MRFAP1: variants seen among roughly 807,000 people sequenced by gnomAD.
The protein encoded by MRFAP1 is MORF4 family-associated protein 1.
In MRFAP1, 1 loss-of-function variant was observed where a neutral mutation model predicts 9.3. That is an observed-to-expected ratio of 0.11 (90% CI 0.04 to 0.51). The LOEUF is 0.51. Among genes scored for constraint, MRFAP1 ranks in the 20% least tolerant of loss-of-function variants. The pLI is 0.94. For synonymous variants in MRFAP1, 101 were observed against 80.3 expected (o/e 1.26, Z -1.38); for missense variants, 180 against 178.6 (o/e 1.01, Z -0.04).
Position 6,640,771 on chromosome 4 carries a change from A to C in MRFAP1, c.-92A>C. 3 of 1,452,416 alleles carry C rather than the reference A, an allele frequency of 2.1e-6. No individual in the cohort carries two copies. Among genetic ancestry groups the C allele is most frequent in the Non-Finnish European group, 2.8e-6 (3 of 1,076,096 alleles). The allele number at this position is 1,452,416 out of a possible 1,614,324, so 90.0% of individuals were successfully genotyped here. On this transcript the variant is annotated 5_prime_UTR_variant, in exon 1 of 2. Coordinates refer to ENST00000382581, the MANE Select transcript of MRFAP1 (RefSeq NM_033296.3). ...TTGAAAAAGGGTAAAAGTTTTCAGG[A>C]ATATTCGGGCTCTCTATTGCTAAGC...
chr4:6,641,223 A>G lies in MRFAP1; in HGVS notation c.361A>G (p.Ile121Val), dbSNP rs766734285. 2 of 1,593,062 alleles carry G rather than the reference A, an allele frequency of 1.3e-6. No homozygotes were observed. The highest frequency in any genetic ancestry group is 4.5e-5 in the East Asian group (2 of 44,386). The change falls in exon 1 of 2, where the codon ATA becomes GTA. Residue 121 changes from isoleucine (I) to valine (V), a missense_variant. Physicochemically the swap from Ile to Val is conservative, Grantham distance 29 (BLOSUM62 3). Coordinates refer to ENST00000382581, the MANE Select transcript of MRFAP1 (RefSeq NM_033296.3). ...AEMLVELVRR[I>V]EKSESS ...GATGCTGGTGGAGCTGGTCCGGCGGATAGAGAAGAGCGAGTCGTCGTGAGC... is the reference window on the plus strand; with the variant it reads ...GATGCTGGTGGAGCTGGTCCGGCGGGTAGAGAAGAGCGAGTCGTCGTGAGC...
chr4:6,641,234 C>T lies in MRFAP1; in HGVS notation c.372C>T (p.Ser124=). 1 of 1,576,156 alleles carries T rather than the reference C, an allele frequency of 6.3e-7. No individual in the cohort carries two copies. Among genetic ancestry groups the T allele is most frequent in the African/African-American group, 1.4e-5 (1 of 73,940 alleles). Residue 124 remains serine (S), a synonymous_variant, in exon 1 of 2, where the codon AGC becomes AGT. Coordinates refer to ENST00000382581, the MANE Select transcript of MRFAP1 (RefSeq NM_033296.3). ...AGCTGGTCCGGCGGATAGAGAAGAGCGAGTCGTCGTGAGCGCGGTCGGCGG... is the reference window on the plus strand; with the variant it reads ...AGCTGGTCCGGCGGATAGAGAAGAGTGAGTCGTCGTGAGCGCGGTCGGCGG... ...LVELVRRIEK[S]ESS
rs1712783778 is a variant in MRFAP1, at chr4:6,640,790, G to A, written c.-73G>A. The A allele has an allele frequency of 1.3e-6, 2 of 1,522,738 alleles. No individual in the cohort carries two copies. Among genetic ancestry groups the A allele is most frequent in the Non-Finnish European group, 1.8e-6 (2 of 1,125,582 alleles). 94.3% of individuals were successfully genotyped at this position (1,522,738 alleles called of 1,614,324 possible). A position where few individuals can be genotyped will look rare whatever the true frequency, so the allele number is the denominator to read the frequency against. ...TTCAGGAATATTCGGGCTCTCTATT[G>A]CTAAGCATAGCGAGTGTCGGTTTTC... is the stretch of plus-strand genomic sequence containing the variant. On this transcript the variant is annotated 5_prime_UTR_variant, in exon 1 of 2. Coordinates refer to ENST00000382581, the MANE Select transcript of MRFAP1 (RefSeq NM_033296.3).
Position 6,640,818 on chromosome 4 carries a change from T to G in MRFAP1, c.-45T>G, listed in dbSNP as rs755892277. ...AAGCATAGCGAGTGTCGGTTTTCTCTCTCCAACAGACATCGCTATTGCGGT... is the reference window on the plus strand; with the variant it reads ...AAGCATAGCGAGTGTCGGTTTTCTCGCTCCAACAGACATCGCTATTGCGGT... On this transcript the variant is annotated 5_prime_UTR_variant, in exon 1 of 2. Transcript: ENST00000382581. 6.4e-6 allele frequency: 10 copies of G among 1,560,946 alleles called. No individual in the cohort carries two copies. The highest frequency in any genetic ancestry group is 8.7e-6 in the Non-Finnish European group (10 of 1,148,976).
Position 6,641,075 on chromosome 4 carries a change from G to A in MRFAP1, c.213G>A (p.Val71=). The change falls in exon 1 of 2, where the codon GTG becomes GTA. Residue 71 remains valine (V), a synonymous_variant. Coordinates refer to ENST00000382581, the MANE Select transcript of MRFAP1 (RefSeq NM_033296.3). ...TGCTCATCCAGATCAAAACGCAGGT[G>A]GAGGCCTCGGAGGAGAGCGCCCTCA... ...DNMLIQIKTQ[V]EASEESALNH... is the part of the protein sequence containing the mutation. The A allele has an allele frequency of 6.2e-7, 1 of 1,614,156 alleles. No homozygotes were observed. Among genetic ancestry groups the A allele is most frequent in the Non-Finnish European group, 8.5e-7 (1 of 1,179,952 alleles).
intron 1 of MRFAP1, chr4:6,641,511 A>G: frequency 2.2e-6 from 1 of 452,980 alleles, no homozygotes; most frequent in Admixed American, 4.0e-5. Context: ...TCGCCAAGGA[A>G]ACAGAAACGG....
chr4:6,641,445 G>T, intron 1 of MRFAP1, 187 bp downstream of exon 1: 1 of 704,500 alleles, frequency 1.4e-6, no homozygotes, highest in South Asian at 2.2e-5. Flanking sequence ...GGGATAATCA[G>T]AGTGGCCGGG....
In MRFAP1 at chr4:6,641,106, C is replaced by G. The variant is rs1712804116; in HGVS notation, c.244C>G (p.Leu82Val). 17 of 1,614,086 alleles carry G rather than the reference C, an allele frequency of 1.1e-5. No individual in the cohort carries two copies. Among genetic ancestry groups the G allele is most frequent in the East Asian group, 2.2e-5 (1 of 44,886 alleles). Residue 82 changes from leucine to valine, a missense_variant, in exon 1 of 2, where the codon CTC becomes GTC. By Grantham distance (32) the Leu-to-Val change is conservative. Transcript: ENST00000382581. ...EASEESALNH[L>V]QNPGDAAEGR... The stretch of plus-strand genomic sequence containing the variant: ...CTCGGAGGAGAGCGCCCTCAACCAC[C>G]TCCAGAACCCGGGCGACGCGGCCGA...
chr4:6,641,528 T>G, intron 1 of MRFAP1: 1 of 394,776 alleles, frequency 2.5e-6, no homozygotes. Flanking sequence ...ACGGACAAGG[T>G]CCCGGGCCGT....
rs138107324 is a variant in MRFAP1, at chr4:6,641,216, C to A, written c.354C>A (p.Val118=). The A allele has an allele frequency of 6.2e-7, 1 of 1,601,538 alleles. No homozygotes were observed. The highest frequency in any genetic ancestry group is 1.3e-5 in the African/African-American group (1 of 74,610). The part of the protein sequence containing the change: ...AKMAEMLVEL[V]RRIEKSESS ...TGGCAGAGATGCTGGTGGAGCTGGTCCGGCGGATAGAGAAGAGCGAGTCGT... is the reference window on the plus strand; with the variant it reads ...TGGCAGAGATGCTGGTGGAGCTGGTACGGCGGATAGAGAAGAGCGAGTCGT... The change falls in exon 1 of 2, where the codon GTC becomes GTA. Residue 118 remains valine (V), a synonymous_variant. Transcript: ENST00000382581.
In MRFAP1 at chr4:6,641,251, G is replaced by C. The variant is rs1442203045; in HGVS notation, c.*5G>C. 11 of 1,561,266 alleles carry C rather than the reference G, an allele frequency of 7.0e-6. No individual in the cohort carries two copies. The highest frequency in any genetic ancestry group is 9.6e-6 in the Non-Finnish European group (11 of 1,148,808). On this transcript the variant is annotated 3_prime_UTR_variant, in exon 1 of 2. Coordinates refer to ENST00000382581, the MANE Select transcript of MRFAP1 (RefSeq NM_033296.3). ...GAGAAGAGCGAGTCGTCGTGAGCGC[G>C]GTCGGCGGTAAGTCGGGCACCCGCG...
Position 6,641,268 on chromosome 4 carries a change from G to A in MRFAP1, c.*12+10G>A. 3 of 1,545,540 alleles carry A rather than the reference G, an allele frequency of 1.9e-6. No homozygotes were observed. Among genetic ancestry groups the A allele is most frequent in the Non-Finnish European group, 2.6e-6 (3 of 1,142,142 alleles). On this transcript the variant is annotated intron_variant, in intron 1 of 1. Transcript: ENST00000382581. Reference sequence around the variant, plus strand: ...GTGAGCGCGGTCGGCGGTAAGTCGGGCACCCGCGCCAGGCCGAGGAGCGGC... The same window carrying A: ...GTGAGCGCGGTCGGCGGTAAGTCGGACACCCGCGCCAGGCCGAGGAGCGGC...
rs1249293068 is a variant in MRFAP1, at chr4:6,641,275, C to CG, written c.*12+18dup. The CG allele has an allele frequency of 6.5e-7, 1 of 1,537,528 alleles. No individual in the cohort carries two copies. ...CGGTCGGCGGTAAGTCGGGCACCCG[C>CG]GCCAGGCCGAGGAGCGGCCCCAGCT... On this transcript the variant is annotated intron_variant, in intron 1 of 1. Coordinates refer to ENST00000382581, the MANE Select transcript of MRFAP1 (RefSeq NM_033296.3).
rs529892353 is a variant in MRFAP1, at chr4:6,641,142, G to T, written c.280G>T (p.Ala94Ser). 6 of 1,614,162 alleles carry T rather than the reference G, an allele frequency of 3.7e-6. 1 individual carries two copies. The East Asian group carries it at 1.3e-4, about 36-fold the overall frequency. Residue 94 changes from alanine to serine, a missense_variant, in exon 1 of 2, where the codon GCC becomes TCC. By Grantham distance (99) the Ala-to-Ser change is moderately conservative (BLOSUM62 1). Transcript: ENST00000382581. ...GGGCGACGCGGCCGAGGGCCGGGCG[G>T]CCAAGAGGTGCGAGAAGGCCGAGGA... ...NPGDAAEGRAAKRCEKAEEKA... is the reference protein window; with the variant it reads ...NPGDAAEGRASKRCEKAEEKA...
rs1577307307 is a variant in MRFAP1, at chr4:6,641,270, A to C, written c.*12+12A>C. On this transcript the variant is annotated intron_variant, in intron 1 of 1. Coordinates refer to ENST00000382581, the MANE Select transcript of MRFAP1 (RefSeq NM_033296.3). ...GAGCGCGGTCGGCGGTAAGTCGGGC[A>C]CCCGCGCCAGGCCGAGGAGCGGCCC... 6.5e-7 allele frequency: 1 copy of C among 1,543,284 alleles called. No individual in the cohort carries two copies.
chr4:6,641,764 G>T lies in MRFAP1; in HGVS notation c.*47G>T, dbSNP rs1462020434. On this transcript the variant is annotated 3_prime_UTR_variant, in exon 2 of 2. Transcript: ENST00000382581. The stretch of plus-strand genomic sequence containing the variant: ...CAATGGATTCTGGTCAACTGGTGGA[G>T]ATTGGCTGACACCCTGGAGAAGCCG... The T allele has an allele frequency of 6.5e-6, 1 of 153,602 alleles. No homozygotes were observed. The highest frequency in any genetic ancestry group is 6.5e-5 in the Admixed American group (1 of 15,292). 9.5% of individuals were successfully genotyped at this position (153,602 alleles called of 1,614,324 possible).
rs1217912763 is a variant in MRFAP1 at position 6,640,862 on chromosome 4, G to A, written c.-1G>A. On this transcript the variant is annotated 5_prime_UTR_variant, in exon 1 of 2. Coordinates refer to ENST00000382581, the MANE Select transcript of MRFAP1 (RefSeq NM_033296.3). The stretch of plus-strand genomic sequence containing the variant: ...TTGCGGTTCCGAGGCAGTGGGAAGA[G>A]ATGCGGCCCCTGGACATCGTCGAGC... 2 of 1,604,420 alleles carry A rather than the reference G, an allele frequency of 1.2e-6. No homozygotes were observed. The highest frequency in any genetic ancestry group is 1.3e-5 in the African/African-American group (1 of 74,974).
rs1364615464 is a variant in MRFAP1 at position 6,642,643 on chromosome 4, C to T, written c.*926C>T. ...GCTGTAAGTTCATTTGAGTAGCAGA[C>T]CTAACAAATATTTGAGGTCAGAACC... On this transcript the variant is annotated 3_prime_UTR_variant, in exon 2 of 2. Coordinates refer to ENST00000382581, the MANE Select transcript of MRFAP1 (RefSeq NM_033296.3). 6.6e-6 allele frequency: 1 copy of T among 152,390 alleles called. No homozygotes were observed. Among genetic ancestry groups the T allele is most frequent in the East Asian group, 1.9e-4 (1 of 5,190 alleles). 9.4% of individuals were successfully genotyped at this position (152,390 alleles called of 1,614,324 possible).
chr4:6,641,483 G>C, intron 1 of MRFAP1: 1 of 525,122 alleles, frequency 1.9e-6, no homozygotes, highest in South Asian at 3.1e-5. Context: ...TTCAGTGGAA[G>C]GGTCATAAAT....
Sources: gnomAD v4.1 joint callset for allele counts on GRCh38, gnomAD v4.1.1 for gene constraint, MANE v1.5 for transcripts, NCBI Gene and HGNC (gene_info 2026-07-23, HGNC 2026-07-21) for gene names.